FRMD7: variants seen among roughly 807,000 people sequenced by gnomAD.
FRMD7 encodes FERM domain containing 7, also known as FERM domain-containing protein 7.
FRMD7 carries 14 observed loss-of-function variants against 44.1 expected under a neutral mutation model. That is an observed-to-expected ratio of 0.32 (90% CI 0.21 to 0.50). The LOEUF (loss-of-function observed/expected upper bound fraction) is 0.50. Ranked by LOEUF, FRMD7 falls within the 20% of genes least tolerant of loss-of-function variation. FRMD7 has a pLI of 0.99. For synonymous variants in FRMD7, 212 were observed against 187.4 expected (o/e 1.13, Z -1.07); for missense variants, 501 against 522.3 (o/e 0.96, Z 0.40).
chrX:132,102,565 C>CA (rs1167883048), intron 1 of FRMD7, among the ~76,000 whole-genome samples: 1 of 111,137 alleles, frequency 9.0e-6, no homozygotes, highest in Non-Finnish European at 1.9e-5. Context: ...CAGACCATTG[C>CA]AGACACATGA....
At chrX:132,092,653 T>C (rs949027254) in intron 5 of FRMD7, among the ~76,000 whole-genome samples, 4 of 111,831 alleles carry the variant, frequency 3.6e-5, no homozygotes, top group African/African-American at 1.3e-4. Context: ...CTCAAATCCA[T>C]AAGGCAGAAC....
At chrX:132,107,158 T>C (rs6637940) in intron 1 of FRMD7, among the ~76,000 whole-genome samples, 7,531 of 112,123 alleles carry the variant, frequency 0.067, 204 homozygotes, top group African/African-American at 0.1. Flanking sequence ...TCATTAATAG[T>C]AGCATAATGG....
chrX:132,120,434 A>C (rs1929005975), intron 1 of FRMD7, among the ~76,000 whole-genome samples: 1 of 112,944 alleles, frequency 8.9e-6, no homozygotes, highest in South Asian at 3.6e-4. Context: ...AAGAGGCGGC[A>C]AGGCCCCGAC....
At chrX:132,098,576 G>A (rs1233590909) in intron 3 of FRMD7, among the ~76,000 whole-genome samples, 3 of 110,614 alleles carry the variant, frequency 2.7e-5, no homozygotes, top group Non-Finnish European at 5.7e-5. Context: ...TTATGCAGTG[G>A]GAACAGACAG....
intron 5 of FRMD7, among the ~76,000 whole-genome samples, chrX:132,087,535 A>T (rs745556236): frequency 9.0e-6 from 1 of 111,304 alleles, no homozygotes; most frequent in Non-Finnish European, 1.9e-5. Context: ...TCATTGATTA[A>T]TTTTTTTTGC....
At chrX:132,084,895 G>A (rs1016759324) in intron 7 of FRMD7, among the ~76,000 whole-genome samples, 2 of 111,406 alleles carry the variant, frequency 1.8e-5, no homozygotes, top group African/African-American at 3.3e-5. Flanking sequence ...CATGTTTCCC[G>A]ATTCATCTGC....
intron 1 of FRMD7, among the ~76,000 whole-genome samples, chrX:132,121,527 A>C (rs929550150): frequency 9.1e-6 from 1 of 109,909 alleles, no homozygotes; most frequent in African/African-American, 3.3e-5. Context: ...TGTTTTACAT[A>C]TATTAATTCA....
At chrX:132,098,098 C>G (rs1928396077) in intron 3 of FRMD7, among the ~76,000 whole-genome samples, 1 of 111,726 alleles carries the variant, frequency 9.0e-6, no homozygotes, top group African/African-American at 3.3e-5. Context: ...GGATGTCCTA[C>G]CAGAGGACTT....
chrX:132,126,993 A>G (rs749651776), intron 1 of FRMD7, among the ~76,000 whole-genome samples: 2 of 112,972 alleles, frequency 1.8e-5, no homozygotes, highest in South Asian at 7.2e-4. Context: ...AACATTTTGT[A>G]TGAATTTCAG....
chrX:132,120,004 T>A (rs1174338627), intron 1 of FRMD7, among the ~76,000 whole-genome samples: 1 of 111,521 alleles, frequency 9.0e-6, no homozygotes, highest in Non-Finnish European at 1.9e-5. Flanking sequence ...TCCCTGCTGC[T>A]GGGCTGGCAG....
At chrX:132,098,471 G>T (rs1928405547) in intron 3 of FRMD7, among the ~76,000 whole-genome samples, 1 of 112,281 alleles carries the variant, frequency 8.9e-6, no homozygotes, top group Non-Finnish European at 1.9e-5. Context: ...GATGTGATCA[G>T]GTTGGTGTTT....
chrX:132,084,436 C>A, intron 8 of FRMD7, 54 bp downstream of exon 8: 3 of 772,179 alleles, frequency 3.9e-6, no homozygotes, highest in Non-Finnish European at 6.1e-6. Flanking sequence ...CAGAAACAAC[C>A]AAAAAAATTC....
Position 132,078,718 on chromosome X carries a change from G to A in FRMD7, c.1299C>T (p.Pro433=), listed in dbSNP as rs1043935466. 4 of 1,210,804 alleles carry A rather than the reference G, an allele frequency of 3.3e-6. No individual in the cohort carries two copies. The Admixed American group carries it at 6.5e-5, about 20-fold the overall frequency. Residue 433 remains proline (P), a synonymous_variant, in exon 12 of 12, where the codon CCC becomes CCT. Transcript: ENST00000298542. ...FNTEPNPNPD[P]RDIFSERSSL... ...AACTCCTCTCTGAAAAAATGTCTCTGGGATCAGGGTTAGGATTGGGCTCAG... is the reference window on the plus strand; with the variant it reads ...AACTCCTCTCTGAAAAAATGTCTCTAGGATCAGGGTTAGGATTGGGCTCAG...
chrX:132,087,342 A>G (rs1270514157), intron 5 of FRMD7, among the ~76,000 whole-genome samples: 1 of 111,543 alleles, frequency 9.0e-6, no homozygotes, highest in Non-Finnish European at 1.9e-5. Flanking sequence ...GTGCTCTTCT[A>G]TTGGATAAGA....
intron 5 of FRMD7, among the ~76,000 whole-genome samples, chrX:132,091,365 T>C (rs2124235446): frequency 9.0e-6 from 1 of 111,258 alleles, no homozygotes; most frequent in Admixed American, 9.6e-5. Flanking sequence ...CTGATGTTTC[T>C]TGAACACCCC....
In FRMD7 at chrX:132,077,226, G is replaced by T. The variant is rs1477614814; in HGVS notation, c.*646C>A. ...TTCATCTGGTTTATGTCTGGCTCTA[G>T]AAATTGATTTAATTCATGAATTTCC... On this transcript the variant is annotated 3_prime_UTR_variant, in exon 12 of 12. Transcript: ENST00000298542. 1 of 111,480 alleles carries T rather than the reference G, an allele frequency of 9.0e-6. No homozygotes were observed. The highest frequency in any genetic ancestry group is 3.3e-5 in the African/African-American group (1 of 30,651). 9.2% of individuals were successfully genotyped at this position (111,480 alleles called of 1,213,427 possible). A position where few individuals can be genotyped will look rare whatever the true frequency, so the allele number is the denominator to read the frequency against.
chrX:132,094,048 A>T lies in FRMD7; in HGVS notation c.376T>A (p.Leu126Ile), dbSNP rs768201976. ...ACAGACATTTGCTACTTACATTGTA[A>T]GATGTGAGATACCATCAACGCTGTA... ...NCTALMVSHI[L>I]QSELGDFHEE... The change falls in exon 5 of 12, where the codon TTA (leucine) becomes ATA (isoleucine). Residue 126 changes from leucine (L) to isoleucine (I), a missense_variant. Coordinates refer to ENST00000298542, the MANE Select transcript of FRMD7 (RefSeq NM_194277.3). 9 of 1,125,196 alleles carry T rather than the reference A, an allele frequency of 8.0e-6. No individual in the cohort carries two copies. The African/African-American group carries it at 1.6e-4, about 20-fold the overall frequency. The allele number at this position is 1,125,196 out of a possible 1,213,427, so 92.7% of individuals were successfully genotyped here. A position where few individuals can be genotyped will look rare whatever the true frequency, so the allele number is the denominator to read the frequency against.
chrX:132,088,825 T>C (rs759302296), intron 5 of FRMD7, among the ~76,000 whole-genome samples: 2 of 111,785 alleles, frequency 1.8e-5, no homozygotes, highest in Non-Finnish European at 3.8e-5. Context: ...TACAAAATGC[T>C]GCCAAGGGAA....
At chrX:132,100,815 G>T in intron 1 of FRMD7, 99 bp from the exon 2 acceptor site, 1 of 617,531 alleles carries the variant, frequency 1.6e-6, no homozygotes, top group Non-Finnish European at 2.7e-6. Flanking sequence ...TGCAAGCCCT[G>T]TTTCCTTTAA....
Sources: allele counts gnomAD v4.1 joint callset (sites outside exome capture counted in the v4.1 genomes callset), GRCh38; gene constraint gnomAD v4.1.1; transcripts MANE v1.5; gene names NCBI Gene and HGNC (gene_info 2026-07-23, HGNC 2026-07-21).